Variants in FER observed in about 807,000 individuals in gnomAD.
FER encodes the protein tyrosine-protein kinase Fer.
A neutral mutation model predicts 111.0 loss-of-function variants in FER; 63 were observed. That is an observed-to-expected ratio of 0.57 (90% CI 0.46 to 0.70). The LOEUF is 0.70. Among genes scored for constraint, FER ranks in the 30% least tolerant of loss-of-function variants. The pLI is 0.00. For missense variants in FER, 914 were observed against 954.0 expected, an observed-to-expected ratio of 0.96 and a Z score of 0.55; for synonymous variants, 327 against 313.9, an observed-to-expected ratio of 1.04 and a Z score of -0.44.
chr5:109,171,748 A>G (rs1201044060), intron 17 of FER, among the ~76,000 whole-genome samples: 1 of 152,180 alleles, frequency 6.6e-6, no homozygotes, highest in Non-Finnish European at 1.5e-5. Flanking sequence ...CGCTATTGCC[A>G]TCAATACTGA....
At chr5:109,096,680 A>G (rs1358400412) in intron 16 of FER, among the ~76,000 whole-genome samples, 1 of 79,122 alleles carries the variant, frequency 1.3e-5, no homozygotes, top group African/African-American at 4.2e-5. Flanking sequence ...ATTTGTGCCT[A>G]TTCCTGAACC....
intron 2 of FER, among the ~76,000 whole-genome samples, chr5:108,781,166 C>G (rs1311651926): frequency 1.3e-5 from 2 of 152,098 alleles, no homozygotes; most frequent in Admixed American, 6.6e-5. Context: ...GGTTCTTATA[C>G]TAGCTCTCTT....
intron 1 of FER, among the ~76,000 whole-genome samples, chr5:108,750,677 C>G (rs1168874338): frequency 6.6e-6 from 1 of 152,208 alleles, no homozygotes; most frequent in African/African-American, 2.4e-5. Context: ...GTAGACAAAT[C>G]ATTTACATTT....
intron 2 of FER, among the ~76,000 whole-genome samples, chr5:108,772,013 C>G (rs1752950611): frequency 6.6e-6 from 1 of 152,112 alleles, no homozygotes; most frequent in Admixed American, 6.5e-5. Flanking sequence ...AAGACACCAG[C>G]AGGTTTAGTG....
At chr5:108,876,351 A>G (rs1765086677) in intron 8 of FER, among the ~76,000 whole-genome samples, 2 of 152,234 alleles carry the variant, frequency 1.3e-5, no homozygotes, top group African/African-American at 2.4e-5. Flanking sequence ...ATTTCACACT[A>G]CAGTGGCAGA....
At chr5:109,078,963 A>T (rs751981281) in intron 16 of FER, among the ~76,000 whole-genome samples, 1 of 152,156 alleles carries the variant, frequency 6.6e-6, no homozygotes, top group South Asian at 2.1e-4. Context: ...AACGTATGAC[A>T]TTGCATTCAC....
chr5:108,836,396 A>G (rs1760665081), intron 5 of FER, among the ~76,000 whole-genome samples: 1 of 152,148 alleles, frequency 6.6e-6, no homozygotes, highest in South Asian at 2.1e-4. Flanking sequence ...AGATTTCAGT[A>G]AAGACTAAGC....
At chr5:108,874,617 CTT>C (rs542858095) in intron 8 of FER, among the ~76,000 whole-genome samples, 1 of 143,590 alleles carries the variant, frequency 7.0e-6, no homozygotes. Flanking sequence ...ATCTTTCTTC[CTT>C]TTTTTTTTTA....
chr5:108,869,602 A>G (rs996340819), intron 6 of FER, among the ~76,000 whole-genome samples: 4 of 152,136 alleles, frequency 2.6e-5, no homozygotes, highest in Non-Finnish European at 4.4e-5. Context: ...AGACAGAGGC[A>G]GAGATTGACA....
At chr5:108,958,376 A>G (rs1450865412) in intron 12 of FER, among the ~76,000 whole-genome samples, 1 of 151,778 alleles carries the variant, frequency 6.6e-6, no homozygotes, top group Non-Finnish European at 1.5e-5. Context: ...GAGAACTAGC[A>G]GTTGGAAGCT....
chr5:109,171,760 A>T (rs181520842), intron 17 of FER, among the ~76,000 whole-genome samples: 92 of 152,288 alleles, frequency 6.0e-4, no homozygotes, highest in African/African-American at 2.0e-3. Flanking sequence ...CAATACTGAG[A>T]CTAACTTCTG....
chr5:108,929,143 A>G (rs1754202892), intron 10 of FER, among the ~76,000 whole-genome samples: 1 of 152,166 alleles, frequency 6.6e-6, no homozygotes. Context: ...CACAGCGGGT[A>G]AGATGTTTCT....
In FER at chr5:109,072,301, A is replaced by G. The variant is rs546182674; in HGVS notation, c.1924+25103A>G. 1.1e-3 allele frequency among the ~76,000 whole-genome samples: 172 copies of G among 151,630 alleles called. 1 individual carries two copies. The highest frequency in any genetic ancestry group is 3.9e-3 in the African/African-American group (160 of 41,460). On this transcript the variant is annotated intron_variant, in intron 16 of 19. Transcript: ENST00000281092. ...ATGATGTGAGTTGGCATGTATTTCA[A>G]AAGATAGTCTATCTAATGTATTAGG...
At chr5:109,075,571 C>G (rs547383325) in intron 16 of FER, among the ~76,000 whole-genome samples, 33 of 151,974 alleles carry the variant, frequency 2.2e-4, no homozygotes, top group African/African-American at 6.5e-4. Flanking sequence ...CTACAGGTGC[C>G]TGCCACCACA....
intron 17 of FER, among the ~76,000 whole-genome samples, chr5:109,173,605 C>A (rs890378125): frequency 2.0e-5 from 3 of 152,200 alleles, no homozygotes; most frequent in African/African-American, 7.2e-5. Context: ...TCATGCCTCA[C>A]CCAGGCCTGC....
intron 16 of FER, among the ~76,000 whole-genome samples, chr5:109,067,332 G>A (rs1224435132): frequency 6.6e-6 from 1 of 151,246 alleles, no homozygotes; most frequent in Non-Finnish European, 1.5e-5. Flanking sequence ...CCGTCTTTCT[G>A]TCCATGACCC....
chr5:108,815,066 C>T (rs1315990448), intron 3 of FER, among the ~76,000 whole-genome samples: 1 of 152,074 alleles, frequency 6.6e-6, no homozygotes, highest in Non-Finnish European at 1.5e-5. Flanking sequence ...ACCCTTTTCC[C>T]TAGGAGTCCT....
At chr5:108,819,983 A>G in intron 3 of FER, 2 of 985,256 alleles carry the variant, frequency 2.0e-6, no homozygotes, top group Non-Finnish European at 2.4e-6. Context: ...ATGAAGGATA[A>G]TCTGGAACTA....
chr5:108,959,039 TTTTA>T (rs1271013638), intron 12 of FER, among the ~76,000 whole-genome samples, 182 bp from the exon 13 acceptor site: 1 of 151,800 alleles, frequency 6.6e-6, no homozygotes, highest in Non-Finnish European at 1.5e-5. Context: ...CATGTCAGAG[TTTTA>T]TTTATCTATT....
Sources: allele counts gnomAD v4.1 joint callset (sites outside exome capture counted in the v4.1 genomes callset), GRCh38; gene constraint gnomAD v4.1.1; transcripts MANE v1.5; gene names NCBI Gene and HGNC (gene_info 2026-07-23, HGNC 2026-07-21).